ATP7A: variants seen among roughly 807,000 people sequenced by gnomAD.
ATP7A encodes copper-transporting ATPase 1.
Under a neutral mutation model 83.5 loss-of-function variants are expected in ATP7A, and 7 were observed. That is an observed-to-expected ratio of 0.08 (90% confidence interval 0.05 to 0.16). The LOEUF is 0.16. Ranked by LOEUF, ATP7A falls within the 10% of genes least tolerant of loss-of-function variation. ATP7A has a pLI of 1.00. For missense variants in ATP7A, 940 were observed against 1,120.8 expected (o/e 0.84, Z 2.30); for synonymous variants, 354 against 395.2 (o/e 0.90, Z 1.24).
At chrX:77,916,811 A>G (rs1470663010) in intron 1 of ATP7A, among the ~76,000 whole-genome samples, 1 of 111,795 alleles carries the variant, frequency 8.9e-6, no homozygotes, top group Non-Finnish European at 1.9e-5. Flanking sequence ...TGTGAGCTAT[A>G]CAAAGAAGCA....
intron 14 of ATP7A, among the ~76,000 whole-genome samples, chrX:78,022,501 GTTTGTTTATTTA>G (rs1318165389): frequency 1.3e-5 from 1 of 75,061 alleles, no homozygotes; most frequent in African/African-American, 4.5e-5. Context: ...TTGTTTGTTT[GTTTGTTTATTTA>G]TTTATTTATT....
chrX:78,017,765 C>CTTTTTTTTTTTTTT (rs1176316040), intron 12 of ATP7A, among the ~76,000 whole-genome samples: 86 of 45,846 alleles, frequency 1.9e-3, no homozygotes, highest in Non-Finnish European at 2.6e-3. Flanking sequence ...TTTCTTGTTT[C>CTTTTTTTTTTTTTT]TTTTTTTTTT....
chrX:77,980,557 G>A (rs1022172563), intron 2 of ATP7A, among the ~76,000 whole-genome samples: 4 of 112,174 alleles, frequency 3.6e-5, no homozygotes, highest in Non-Finnish European at 7.5e-5. Context: ...ATTAATTGGT[G>A]TTTTTATTAT....
In ATP7A at chrX:78,011,078, A is replaced by G. The variant is rs2077820172; in HGVS notation, c.1870-98A>G. 1.2e-5 allele frequency: 9 copies of G among 725,547 alleles called. No homozygotes were observed. In the South Asian group the frequency reaches 2.0e-4, roughly 17 times the overall value. The allele number at this position is 725,547 out of a possible 1,213,427, so 59.8% of individuals were successfully genotyped here. Reference sequence around the variant, plus strand: ...TTCCCCAGAGTGACTTGCCCTCAGTAATTGAACTGTTCTTAATGACAATAC... The same window carrying G: ...TTCCCCAGAGTGACTTGCCCTCAGTGATTGAACTGTTCTTAATGACAATAC... On this transcript the variant is annotated intron_variant, in intron 7 of 22. Coordinates refer to ENST00000341514, the MANE Select transcript of ATP7A (RefSeq NM_000052.7).
intron 14 of ATP7A, among the ~76,000 whole-genome samples, chrX:78,024,400 G>GGTTA (rs199746687): frequency 0.014 from 1,548 of 111,511 alleles, 26 homozygotes; most frequent in African/African-American, 0.048. Flanking sequence ...ATAGGATTAG[G>GGTTA]GTTAGACATG....
intron 5 of ATP7A, among the ~76,000 whole-genome samples, chrX:77,999,386 C>CAA (rs1190468620): frequency 3.6e-5 from 4 of 111,611 alleles, no homozygotes; most frequent in African/African-American, 1.3e-4. Flanking sequence ...AGCACCAGAC[C>CAA]AAAAACAAGT....
intron 17 of ATP7A, 92 bp from the exon 18 acceptor site, chrX:78,038,744 A>G (rs2078029273): frequency 1.0e-6 from 1 of 987,347 alleles, no homozygotes. Context: ...CAATGTAGTG[A>G]CTGTGCAAGG....
rs782232114 is a variant in ATP7A at position 77,912,562 on chromosome X, A to T, written c.-22+1727A>T. Among the ~76,000 whole-genome samples, 20 of 112,306 alleles carry T rather than the reference A, an allele frequency of 1.8e-4. No individual in the cohort carries two copies. The East Asian group carries it at 5.3e-3, about 30-fold the overall frequency. Reference sequence around the variant, plus strand: ...CTCCAGCCAATAAGAAAGCTTATATAGAGAAAAAAATACATGGAAATGACA... The same window carrying T: ...CTCCAGCCAATAAGAAAGCTTATATTGAGAAAAAAATACATGGAAATGACA... On this transcript the variant is annotated intron_variant, in intron 1 of 22. Coordinates refer to ENST00000341514, the MANE Select transcript of ATP7A (RefSeq NM_000052.7).
intron 1 of ATP7A, among the ~76,000 whole-genome samples, chrX:77,933,116 T>C (rs2077298931): frequency 8.9e-6 from 1 of 112,410 alleles, no homozygotes. Flanking sequence ...TACTGAATGC[T>C]TACTGTGTGC....
rs368355216 is a variant in ATP7A at position 78,003,103 on chromosome X, C to G, written c.1574C>G (p.Ala525Gly). The G allele has an allele frequency of 1.1e-5, 13 of 1,207,973 alleles. No homozygotes were observed. The highest frequency in any genetic ancestry group is 1.3e-5 in the Non-Finnish European group (12 of 893,873). ...TATTCTATACTTGTGGCCCTGATGG[C>G]TGGCAAGGCAGAAGTAAGGTATAAT... ...GIYSILVALM[A>G]GKAEVRYNPA... The change falls in exon 6 of 23, where the codon GCT (alanine) becomes GGT (glycine). Residue 525 changes from alanine to glycine, a missense_variant. By Grantham distance (60) the Ala-to-Gly change is moderately conservative. Coordinates refer to ENST00000341514, the MANE Select transcript of ATP7A (RefSeq NM_000052.7).
intron 13 of ATP7A, 137 bp downstream of exon 13, chrX:78,020,535 T>TCCTATCTCAAA: frequency 1.3e-6 from 1 of 772,073 alleles, no homozygotes; most frequent in Non-Finnish European, 1.9e-6. Flanking sequence ...TGTTTTGAGA[T>TCCTATCTCAAA]AGGGTCTCAC....
chrX:77,957,738 G>GT (rs201251253), intron 1 of ATP7A, among the ~76,000 whole-genome samples: 3 of 108,558 alleles, frequency 2.8e-5, no homozygotes, highest in South Asian at 4.0e-4. Context: ...TTTCCTGCAT[G>GT]TTTTTTTTTA....
chrX:78,045,379 C>G, intron 21 of ATP7A, 91 bp from the exon 22 acceptor site: 1 of 829,315 alleles, frequency 1.2e-6, no homozygotes, highest in Non-Finnish European at 1.8e-6. Flanking sequence ...GAAGAAGTAT[C>G]AAACAAAGAA....
intron 1 of ATP7A, among the ~76,000 whole-genome samples, chrX:77,965,601 C>A (rs1229994942): frequency 3.6e-5 from 4 of 111,416 alleles, no homozygotes; most frequent in Non-Finnish European, 7.5e-5. Context: ...CTGGCAGATC[C>A]TCAAACAATT....
chrX:77,980,891 C>T (rs1430356510), intron 2 of ATP7A, among the ~76,000 whole-genome samples: 1 of 111,812 alleles, frequency 8.9e-6, no homozygotes, highest in Non-Finnish European at 1.9e-5. Context: ...TGGTCTCGAA[C>T]TCCTGAACTC....
chrX:78,010,526 CTGCA>C (rs782212918), intron 7 of ATP7A, among the ~76,000 whole-genome samples: 38 of 104,257 alleles, frequency 3.6e-4, no homozygotes, highest in African/African-American at 1.2e-3. Flanking sequence ...AGACTAAATA[CTGCA>C]TATGCAAGGC....
chrX:77,986,268 C>T (rs1192047311), intron 2 of ATP7A, among the ~76,000 whole-genome samples: 6 of 111,389 alleles, frequency 5.4e-5, no homozygotes, highest in Non-Finnish European at 9.4e-5. Flanking sequence ...ACACAGTCAT[C>T]AATTATCAAG....
intron 1 of ATP7A, among the ~76,000 whole-genome samples, chrX:77,933,211 T>C (rs1451504195): frequency 1.8e-5 from 2 of 111,703 alleles, no homozygotes; most frequent in Non-Finnish European, 3.8e-5. Context: ...ATAAGGAAAC[T>C]GAGGCACAGA....
Position 78,045,517 on chromosome X carries a change from G to A in ATP7A, c.4171G>A (p.Ala1391Thr), listed in dbSNP as rs782089964. The change falls in exon 22 of 23, where the codon GCA becomes ACA. Residue 1391 changes from alanine to threonine, a missense_variant. Around this residue, in one of 3 missense-constraint regions of ATP7A, gnomAD observed 386 missense variants for 502.2 expected, o/e 0.77. Transcript: ENST00000341514. The part of the protein sequence containing the change: ...GLVLQPWMGS[A>T]AMAASSVSVV... Reference sequence around the variant, plus strand: ...GGTTTTGCAGCCCTGGATGGGATCTGCAGCAATGGCTGCTTCATCTGTTTC... The same window carrying A: ...GGTTTTGCAGCCCTGGATGGGATCTACAGCAATGGCTGCTTCATCTGTTTC... 1 of 1,211,640 alleles carries A rather than the reference G, an allele frequency of 8.3e-7. No individual in the cohort carries two copies. Among genetic ancestry groups the A allele is most frequent in the Non-Finnish European group, 1.1e-6 (1 of 895,378 alleles).
Sources: gnomAD v4.1 joint callset for allele counts (sites outside exome capture counted in the v4.1 genomes callset) on GRCh38, gnomAD v4.1.1 for gene constraint, gnomAD v4.1.1 regional missense constraint, MANE v1.5 for transcripts, NCBI Gene and HGNC (gene_info 2026-07-23, HGNC 2026-07-21) for gene names.